CYP2J2: variants seen among roughly 807,000 people sequenced by gnomAD.
CYP2J2 encodes cytochrome P450 family 2 subfamily J member 2.
Under a neutral mutation model 48.8 loss-of-function variants are expected in CYP2J2, and 41 were observed. The observed-to-expected ratio is 0.84, with a 90% CI of 0.66 to 1.09. The LOEUF is 1.09. CYP2J2 is among the 50% of genes least tolerant of loss of function. CYP2J2 has a pLI of 0.00. For synonymous variants in CYP2J2, 221 were observed against 227.1 expected, an observed-to-expected ratio of 0.97 and a Z score of 0.24; for missense variants, 644 against 617.3, an observed-to-expected ratio of 1.04 and a Z score of -0.46.
At chr1:59,952,813 T>C in the CYP2J2 span, among the ~76,000 whole-genome samples, 7 of 152,190 alleles carry the variant, frequency 4.6e-5, no homozygotes, top group Admixed American at 2.6e-4. Flanking sequence ...ACTGGAGATA[T>C]AGCAGCCAGC....
At chr1:59,916,161 G>A (rs1644463635) in intron 1 of CYP2J2, 61 bp from the exon 2 acceptor site, 2 of 1,442,292 alleles carry the variant, frequency 1.4e-6, no homozygotes, top group Non-Finnish European at 1.9e-6. Flanking sequence ...CAGAAATGGA[G>A]GATGTGTGTA....
Position 59,918,879 on chromosome 1 carries a change from G to C in CYP2J2, c.211-2779C>G, listed in dbSNP as rs754825721. 6.2e-4 allele frequency among the ~76,000 whole-genome samples: 95 copies of C among 152,172 alleles called. 3 individuals carry two copies. The highest frequency in any genetic ancestry group is 4.4e-4 in the Non-Finnish European group (30 of 67,998). ...AATGTAGCATAAGCATTTAAAAAAG[G>C]GTGGAACAAAATAAATGTTTACAGT... On this transcript the variant is annotated intron_variant, in intron 1 of 8. Transcript: ENST00000371204.
At chr1:59,962,773 C>A in the CYP2J2 span, among the ~76,000 whole-genome samples, 1 of 152,124 alleles carries the variant, frequency 6.6e-6, no homozygotes, top group Admixed American at 6.5e-5. Flanking sequence ...GATTAACATC[C>A]ACCAGAACAC....
intron 1 of CYP2J2, among the ~76,000 whole-genome samples, chr1:59,918,669 C>T (rs1356281206): frequency 1.4e-5 from 2 of 138,698 alleles, no homozygotes; most frequent in South Asian, 2.3e-4. Flanking sequence ...AAATGAGCCA[C>T]GAAAAAAAAA....
the CYP2J2 span, among the ~76,000 whole-genome samples, chr1:59,945,730 A>G: frequency 0.12 from 18,859 of 152,198 alleles, 1,587 homozygotes; most frequent in African/African-American, 0.24. Context: ...TGGCAACTTG[A>G]ATAGGTTCCT....
the CYP2J2 span, among the ~76,000 whole-genome samples, chr1:59,940,694 CAT>C: frequency 6.6e-6 from 1 of 152,142 alleles, no homozygotes; most frequent in African/African-American, 2.4e-5. Flanking sequence ...TAATAGCAAA[CAT>C]ATGAAATCAA....
At chr1:59,916,471 C>T (rs773607988) in intron 1 of CYP2J2, among the ~76,000 whole-genome samples, 23 of 152,326 alleles carry the variant, frequency 1.5e-4, no homozygotes, top group Non-Finnish European at 2.9e-4. Flanking sequence ...CAGTGGCTTA[C>T]GCCTGTAATC....
At chr1:59,948,710 T>A in the CYP2J2 span, among the ~76,000 whole-genome samples, 1 of 152,208 alleles carries the variant, frequency 6.6e-6, no homozygotes, top group Admixed American at 6.5e-5. Context: ...AAACCTCAGT[T>A]AAACCCTGTG....
At chr1:59,953,765 A>T in the CYP2J2 span, among the ~76,000 whole-genome samples, 2 of 152,174 alleles carry the variant, frequency 1.3e-5, no homozygotes, top group Admixed American at 1.3e-4. Flanking sequence ...AATTCTGAAA[A>T]ATAGCAAGGA....
chr1:59,966,431 C>A, the CYP2J2 span, among the ~76,000 whole-genome samples: 3 of 152,078 alleles, frequency 2.0e-5, no homozygotes, highest in Non-Finnish European at 4.4e-5. Context: ...TTCTTCCTAC[C>A]ATTTCCAGTT....
the CYP2J2 span, among the ~76,000 whole-genome samples, chr1:59,955,949 TGAGGGTAAAG>T: frequency 3.9e-5 from 6 of 152,170 alleles, no homozygotes; most frequent in African/African-American, 1.2e-4. Flanking sequence ...CTGAACCATT[TGAGGGTAAAG>T]TTGCACACAT....
At position 59,916,090 on chromosome 1, in the gene CYP2J2, T is replaced by C. The variant is rs769467689; in HGVS notation, c.221A>G (p.Lys74Arg). The change falls in exon 2 of 9, where the codon AAA (lysine) becomes AGA (arginine). Residue 74 changes from lysine (K) to arginine (R), a missense_variant. Coordinates refer to ENST00000371204, the MANE Select transcript of CYP2J2 (RefSeq NM_000775.4). ...CTCCAAGCTAAAAAGGTTCCCATAT[T>C]TCTTCACAAACTGAAAAATAGTTAA... ...SHLEVQLFVK[K>R]YGNLFSLELG... is the part of the protein sequence containing the mutation. 21 of 1,608,052 alleles carry C rather than the reference T, an allele frequency of 1.3e-5. No individual in the cohort carries two copies. The highest frequency in any genetic ancestry group is 2.7e-5 in the African/African-American group (2 of 74,430).
intron 8 of CYP2J2, among the ~76,000 whole-genome samples, chr1:59,894,324 G>A (rs1258049972): frequency 6.6e-6 from 1 of 152,164 alleles, no homozygotes; most frequent in East Asian, 1.9e-4. Context: ...AATCATGGGG[G>A]ACCTACTGGC....
intron 7 of CYP2J2, among the ~76,000 whole-genome samples, chr1:59,903,304 C>T (rs1644336606): frequency 6.6e-6 from 1 of 152,070 alleles, no homozygotes; most frequent in South Asian, 2.1e-4. Context: ...GGTTAGAAAG[C>T]AAGGAAAGGA....
In CYP2J2 at chr1:59,905,052, A is replaced by T; in HGVS notation, c.1010T>A (p.Val337Glu). Reference sequence around the variant, plus strand: ...AATCACTCTGTCAATCTCAGCTTGTACTTTTTCTGGTAAAGAGGGAAGGGT... The same window carrying T: ...AATCACTCTGTCAATCTCAGCTTGTTCTTTTTCTGGTAAAGAGGGAAGGGT... ...MALYPEIQEK[V>E]QAEIDRVIGQ... Residue 337 changes from valine (V) to glutamate (E), a missense_variant, in exon 7 of 9, where the codon GTA becomes GAA. By Grantham distance (121) the Val-to-Glu change is moderately radical. Coordinates refer to ENST00000371204, the MANE Select transcript of CYP2J2 (RefSeq NM_000775.4). 1 of 1,612,312 alleles carries T rather than the reference A, an allele frequency of 6.2e-7. No homozygotes were observed. The highest frequency in any genetic ancestry group is 8.5e-7 in the Non-Finnish European group (1 of 1,179,618).
chr1:59,903,777 T>C (rs1364769029), intron 7 of CYP2J2, among the ~76,000 whole-genome samples: 1 of 152,188 alleles, frequency 6.6e-6, no homozygotes, highest in African/African-American at 2.4e-5. Flanking sequence ...GTAAAGCAAG[T>C]CCTGTGAAGG....
At chr1:59,895,465 G>A (rs1356369574) in intron 8 of CYP2J2, among the ~76,000 whole-genome samples, 2 of 152,132 alleles carry the variant, frequency 1.3e-5, no homozygotes, top group African/African-American at 4.8e-5. Context: ...ATTGTGATGT[G>A]TTACATTATT....
the CYP2J2 span, among the ~76,000 whole-genome samples, chr1:59,954,233 TG>T: frequency 5.9e-5 from 9 of 152,186 alleles, no homozygotes; most frequent in Middle Eastern, 3.2e-3. Flanking sequence ...AGGAAGACTA[TG>T]TTAAGTGCTG....
the CYP2J2 span, among the ~76,000 whole-genome samples, chr1:59,968,727 C>T: frequency 6.6e-6 from 1 of 152,228 alleles, no homozygotes; most frequent in Admixed American, 6.5e-5. Flanking sequence ...ACATGCAGGT[C>T]ACTGAGACAG....
Sources: gnomAD v4.1 joint callset for allele counts (sites outside exome capture counted in the v4.1 genomes callset) on GRCh38, gnomAD v4.1.1 for gene constraint, MANE v1.5 for transcripts, NCBI Gene and HGNC (gene_info 2026-07-23, HGNC 2026-07-21) for gene names.